Variants in AAMDC observed in about 807,000 individuals in gnomAD.
AAMDC encodes adipogenesis associated Mth938 domain containing.
AAMDC carries 16 observed loss-of-function variants against 15.5 expected under a neutral mutation model. The observed-to-expected ratio is 1.03, with a 90% CI of 0.70 to 1.57. The LOEUF is 1.57. Ranked by LOEUF, AAMDC falls within the 40% of genes most tolerant of loss-of-function variation. AAMDC has a pLI of 0.00. For missense variants in AAMDC, 141 were observed against 144.9 expected, an observed-to-expected ratio of 0.97 and a Z score of 0.14; for synonymous variants, 51 against 51.6, an observed-to-expected ratio of 0.99 and a Z score of 0.05.
At chr11:77,840,717 C>T (rs919878619) in intron 1 of AAMDC, among the ~76,000 whole-genome samples, 1 of 152,126 alleles carries the variant, frequency 6.6e-6, no homozygotes, top group Non-Finnish European at 1.5e-5. Context: ...CCCCAGGTAA[C>T]AGTTTCAGTT....
chr11:77,897,063 G>A (rs554268220), intron 5 of AAMDC, among the ~76,000 whole-genome samples: 8 of 151,976 alleles, frequency 5.3e-5, no homozygotes, highest in Admixed American at 5.2e-4. Flanking sequence ...CTATTCTGGT[G>A]TGGCGGGGGT....
At chr11:77,895,853 A>C (rs376293730) in intron 5 of AAMDC, among the ~76,000 whole-genome samples, 2 of 152,232 alleles carry the variant, frequency 1.3e-5, no homozygotes, top group African/African-American at 4.8e-5. Flanking sequence ...ATATACATGA[A>C]GTAGGCCTCT....
intron 5 of AAMDC, chr11:77,884,699 A>G (rs1212845252): frequency 1.6e-5 from 4 of 251,036 alleles, no homozygotes; most frequent in South Asian, 8.0e-5. Context: ...CACTTGCCCT[A>G]TAATCCTTCA....
intron 1 of AAMDC, chr11:77,832,113 ATATC>A (rs1949457067): frequency 6.6e-6 from 1 of 152,038 alleles, no homozygotes; most frequent in Admixed American, 6.6e-5. Flanking sequence ...CATACCTATG[ATATC>A]CACCATAATC....
intron 5 of AAMDC, among the ~76,000 whole-genome samples, chr11:77,896,141 CAG>C (rs1724688372): frequency 6.6e-6 from 1 of 151,836 alleles, no homozygotes; most frequent in Admixed American, 6.6e-5. Context: ...TGAGAGTTAA[CAG>C]GGGATTTAAA....
intron 5 of AAMDC, chr11:77,879,085 G>A (rs1054909908): frequency 6.2e-7 from 1 of 1,614,034 alleles, no homozygotes; most frequent in Non-Finnish European, 8.5e-7. Context: ...GCGAGCACTG[G>A]AGTTGTAGGC....
At position 77,822,886 on chromosome 11, in the gene AAMDC, G is replaced by A. The variant is rs143098249; in HGVS notation, c.-19+1645G>A. 2.9e-3 allele frequency among the ~76,000 whole-genome samples: 447 copies of A among 152,304 alleles called. 2 individuals are homozygous for A. Among genetic ancestry groups the A allele is most frequent in the African/African-American group, 0.01 (429 of 41,570 alleles). ...AAGTGGTTAAAATGGCATATTTTAT[G>A]TTACATGTATTTTACGACAATAAAA... is the stretch of plus-strand genomic sequence containing the variant. On this transcript the variant is annotated intron_variant, in intron 1 of 3. Transcript: ENST00000393427.
At chr11:77,848,550 G>C (rs1428056530) in intron 2 of AAMDC, among the ~76,000 whole-genome samples, 1 of 151,992 alleles carries the variant, frequency 6.6e-6, no homozygotes, top group Non-Finnish European at 1.5e-5. Flanking sequence ...AGTAGAGGTG[G>C]GGTTTCACCA....
chr11:77,868,223 T>G (rs1157597324), intron 2 of AAMDC, among the ~76,000 whole-genome samples: 26 of 150,796 alleles, frequency 1.7e-4, no homozygotes. Flanking sequence ...GCCCGGCTAA[T>G]TTTTTGTATG....
intron 2 of AAMDC, among the ~76,000 whole-genome samples, chr11:77,848,995 G>A (rs1950260586): frequency 6.7e-6 from 1 of 149,600 alleles, no homozygotes; most frequent in Non-Finnish European, 1.5e-5. Flanking sequence ...GTCTGTCTAT[G>A]TTGGTCAGGC....
chr11:77,900,479 T>A (rs1433730957), intron 5 of AAMDC: 7 of 567,060 alleles, frequency 1.2e-5, no homozygotes, highest in Non-Finnish European at 2.2e-5. Flanking sequence ...TAAAATATTT[T>A]ATTTTTCAGG....
intron 5 of AAMDC, among the ~76,000 whole-genome samples, chr11:77,887,930 A>C (rs1952088322): frequency 6.6e-6 from 1 of 152,232 alleles, no homozygotes; most frequent in South Asian, 2.1e-4. Context: ...AAGAGGATAC[A>C]AACAAATGGA....
downstream of AAMDC, chr11:77,876,959 CA>C (rs1384142244): frequency 1.4e-6 from 1 of 703,286 alleles, no homozygotes; most frequent in Non-Finnish European, 2.6e-6. Context: ...GGCTCCAACC[CA>C]GCAGCTGCCA....
chr11:77,856,556 GAA>G (rs1950632778), intron 2 of AAMDC, among the ~76,000 whole-genome samples: 1 of 152,156 alleles, frequency 6.6e-6, no homozygotes, highest in Non-Finnish European at 1.5e-5. Flanking sequence ...AGTTTCTAGA[GAA>G]AAGAGTTTTA....
intron 2 of AAMDC, among the ~76,000 whole-genome samples, chr11:77,852,239 A>AAAG (rs1230304797): frequency 4.5e-5 from 6 of 133,838 alleles, no homozygotes; most frequent in East Asian, 4.3e-4. Flanking sequence ...AAAAAAAAAA[A>AAAG]AAGAAGAAGA....
At chr11:77,826,689 A>G (rs1009225002) in intron 1 of AAMDC, among the ~76,000 whole-genome samples, 1 of 152,220 alleles carries the variant, frequency 6.6e-6, no homozygotes, top group Non-Finnish European at 1.5e-5. Flanking sequence ...ACCAGACCCT[A>G]TAACTGTATG....
At chr11:77,905,488 C>T (rs1234521358), downstream of AAMDC, among the ~76,000 whole-genome samples, 2 of 149,810 alleles carry the variant, frequency 1.3e-5, no homozygotes, top group African/African-American at 2.4e-5. Context: ...TATAGCAAAA[C>T]GGACTCTCTG....
At chr11:77,849,516 A>C (rs1950286055) in intron 2 of AAMDC, among the ~76,000 whole-genome samples, 2 of 151,994 alleles carry the variant, frequency 1.3e-5, no homozygotes, top group South Asian at 4.1e-4. Context: ...GAGCCACTGC[A>C]CCCGGCCTAA....
rs539721990 is a variant in AAMDC at position 77,881,951 on chromosome 11, AC to A, written c.328+4905del. 5.4e-5 allele frequency among the ~76,000 whole-genome samples: 8 copies of A among 148,420 alleles called. No homozygotes were observed. In the South Asian group the frequency reaches 1.5e-3, roughly 28 times the overall value. The stretch of plus-strand genomic sequence containing the variant: ...TTTTGAGTCAGGGTCTTGCTCTGTT[AC>A]CCAGGCTGGAGTGTAGTGGCATGAT... On this transcript the variant is annotated intron_variant, in intron 5 of 5. Transcript: ENST00000304716.
Sources: gnomAD v4.1 joint callset for allele counts (sites outside exome capture counted in the v4.1 genomes callset) on GRCh38, gnomAD v4.1.1 for gene constraint, MANE v1.5 for transcripts, NCBI Gene and HGNC (gene_info 2026-07-23, HGNC 2026-07-21) for gene names.